Variants in TMTC2 observed in about 807,000 individuals in gnomAD.
TMTC2 encodes the protein protein O-mannosyl-transferase TMTC2.
A neutral mutation model predicts 82.4 loss-of-function variants in TMTC2; 43 were observed. The observed-to-expected ratio is 0.52, with a 90% confidence interval of 0.41 to 0.67. The LOEUF (loss-of-function observed/expected upper bound fraction) is 0.67, where lower values mean the gene tolerates loss of function less well. Ranked by LOEUF, TMTC2 falls within the 30% of genes least tolerant of loss-of-function variation. The pLI is 0.00. For synonymous variants in TMTC2, 408 were observed against 381.9 expected (o/e 1.07, Z -0.80); for missense variants, 919 against 1,012.4 (o/e 0.91, Z 1.25).
At position 82,955,657 on chromosome 12, in the gene TMTC2, A is replaced by G. The variant is rs530363649; in HGVS notation, c.1599-9367A>G. The stretch of plus-strand genomic sequence containing the variant: ...TCTTTTTTTAGTAACATGATTTTCT[A>G]GAATTTAGGTCTTAGAAATAGTAGT... On this transcript the variant is annotated intron_variant, in intron 4 of 11. Coordinates refer to ENST00000321196, the MANE Select transcript of TMTC2 (RefSeq NM_152588.3). 5.3e-5 allele frequency among the ~76,000 whole-genome samples: 8 copies of G among 152,318 alleles called. No individual in the cohort carries two copies. The East Asian group carries it at 1.5e-3, about 29-fold the overall frequency.
At chr12:83,129,247 C>T (rs1885189405) in intron 11 of TMTC2, among the ~76,000 whole-genome samples, 1 of 151,926 alleles carries the variant, frequency 6.6e-6, no homozygotes, top group Non-Finnish European at 1.5e-5. Flanking sequence ...TATTTTTTAG[C>T]CATTAGGGGA....
intron 1 of TMTC2, among the ~76,000 whole-genome samples, chr12:82,690,086 A>T (rs941750937): frequency 2.8e-4 from 42 of 152,210 alleles, no homozygotes; most frequent in African/African-American, 9.9e-4. Flanking sequence ...CAGCCTGTTC[A>T]AGTGATTCAT....
intron 1 of TMTC2, among the ~76,000 whole-genome samples, chr12:82,802,201 C>G (rs1879042461): frequency 6.6e-6 from 1 of 152,174 alleles, no homozygotes; most frequent in Non-Finnish European, 1.5e-5. Context: ...AAATCAAGAA[C>G]AGCAGCTGCT....
intron 10 of TMTC2, among the ~76,000 whole-genome samples, chr12:83,056,640 A>G (rs1297745162): frequency 3.9e-5 from 6 of 151,940 alleles, no homozygotes; most frequent in Admixed American, 3.9e-4. Flanking sequence ...ATGTGTGTAT[A>G]TATTTCCAGC....
chr12:82,754,194 G>A (rs1180594439), intron 1 of TMTC2, among the ~76,000 whole-genome samples: 6 of 151,894 alleles, frequency 4.0e-5, no homozygotes, highest in Non-Finnish European at 8.8e-5. Context: ...TTTTTTGAAG[G>A]TACTCCTTTC....
chr12:82,987,373 G>A (rs1227062780), intron 8 of TMTC2, among the ~76,000 whole-genome samples: 4 of 125,408 alleles, frequency 3.2e-5, no homozygotes, highest in Admixed American at 1.0e-4. Flanking sequence ...GCGGTGAGCC[G>A]AGATCATGCT....
intron 11 of TMTC2, among the ~76,000 whole-genome samples, chr12:83,092,851 G>A (rs113186601): frequency 0.018 from 2,687 of 152,290 alleles, 80 homozygotes; most frequent in African/African-American, 0.061. Context: ...AAATAAACCA[G>A]CGGCAAAGCT....
Position 82,864,243 on chromosome 12 carries a change from G to A in TMTC2, c.654+6663G>A, listed in dbSNP as rs145583406. ...ATATCGGGGCCTTCTGTGCTATATT[G>A]TGGCTCCCAAAATGTTGGGAAACAA... On this transcript the variant is annotated intron_variant, in intron 2 of 11. Coordinates refer to ENST00000321196, the MANE Select transcript of TMTC2 (RefSeq NM_152588.3). 4.5e-3 allele frequency among the ~76,000 whole-genome samples: 688 copies of A among 152,102 alleles called. 3 individuals carry two copies. Among genetic ancestry groups the A allele is most frequent in the South Asian group, 0.015 (71 of 4,800 alleles).
intron 8 of TMTC2, among the ~76,000 whole-genome samples, chr12:83,001,404 G>A (rs564382686): frequency 3.9e-5 from 6 of 152,034 alleles, no homozygotes; most frequent in Non-Finnish European, 5.9e-5. Context: ...TTGGGAGGCC[G>A]AGGTGGGTGG....
At chr12:83,061,914 T>C (rs992867583) in intron 11 of TMTC2, 83 bp downstream of exon 11, 6 of 1,024,574 alleles carry the variant, frequency 5.9e-6, no homozygotes, top group Admixed American at 2.9e-5. Flanking sequence ...ATGATACTGG[T>C]TTTTTGTTTT....
chr12:82,873,609 G>A (rs1872328874), intron 2 of TMTC2, among the ~76,000 whole-genome samples: 1 of 152,062 alleles, frequency 6.6e-6, no homozygotes, highest in Non-Finnish European at 1.5e-5. Context: ...AGTAACAGTG[G>A]TTTACAGTAT....
rs557142515 is a variant in TMTC2, at chr12:82,729,061, C to G, written c.83+41392C>G. ...CCTCCCCGACGAGCGCTGCCCCCTG[C>G]TCCAGGTGCCCAGTCCCATCGACCA... On this transcript the variant is annotated intron_variant, in intron 1 of 11. Coordinates refer to ENST00000321196, the MANE Select transcript of TMTC2 (RefSeq NM_152588.3). Among the ~76,000 whole-genome samples the G allele has an allele frequency of 9.8e-4, 149 of 152,380 alleles. 1 individual carries two copies. Among genetic ancestry groups the G allele is most frequent in the Non-Finnish European group, 1.3e-3 (88 of 68,046 alleles).
At chr12:82,794,670 A>G (rs1285084838) in intron 1 of TMTC2, among the ~76,000 whole-genome samples, 1 of 152,162 alleles carries the variant, frequency 6.6e-6, no homozygotes, top group Non-Finnish European at 1.5e-5. Context: ...CAATTTGAGA[A>G]GGTGAATTTA....
intron 1 of TMTC2, among the ~76,000 whole-genome samples, chr12:82,728,456 C>T (rs1874576705): frequency 1.3e-5 from 2 of 152,076 alleles, no homozygotes; most frequent in Admixed American, 6.5e-5. Flanking sequence ...CGCGGTGGCT[C>T]ACTCCTGTAA....
At chr12:82,912,372 C>T (rs1874724885) in intron 3 of TMTC2, among the ~76,000 whole-genome samples, 1 of 152,030 alleles carries the variant, frequency 6.6e-6, no homozygotes. Context: ...ACTTGGAAGT[C>T]ATATCATAAA....
chr12:83,008,619 A>G (rs1623131), intron 8 of TMTC2, among the ~76,000 whole-genome samples: 114,172 of 152,190 alleles, frequency 0.75, 44,922 homozygotes, highest in South Asian at 0.93. Context: ...TTCATATTCC[A>G]ACATGTAAGT....
intron 2 of TMTC2, among the ~76,000 whole-genome samples, chr12:82,864,872 A>G (rs187063235): frequency 3.4e-4 from 52 of 151,794 alleles, no homozygotes; most frequent in Middle Eastern, 3.4e-3. Context: ...TTACTGAATA[A>G]TATTTGGCAT....
chr12:82,695,997 T>C (rs1334327610), intron 1 of TMTC2, among the ~76,000 whole-genome samples: 1 of 152,196 alleles, frequency 6.6e-6, no homozygotes, highest in Non-Finnish European at 1.5e-5. Context: ...GTAAAATAGT[T>C]GGGTTCAAAT....
At chr12:82,785,202 G>A (rs1878119366) in intron 1 of TMTC2, among the ~76,000 whole-genome samples, 1 of 152,052 alleles carries the variant, frequency 6.6e-6, no homozygotes, top group Admixed American at 6.6e-5. Flanking sequence ...CATTAGATGA[G>A]AAAGACTTAG....
Sources: allele counts gnomAD v4.1 joint callset (sites outside exome capture counted in the v4.1 genomes callset), GRCh38; gene constraint gnomAD v4.1.1; transcripts MANE v1.5; gene names NCBI Gene and HGNC (gene_info 2026-07-23, HGNC 2026-07-21).